Variants in NRG3 observed in about 807,000 individuals in gnomAD.
NRG3 encodes neuregulin 3.
A neutral mutation model predicts 66.9 loss-of-function variants in NRG3; 31 were observed. That is an observed-to-expected ratio of 0.46 (90% CI 0.35 to 0.63). The LOEUF is 0.63. Ranked by LOEUF, NRG3 falls within the 20% of genes least tolerant of loss-of-function variation. The pLI, the probability that NRG3 is intolerant of heterozygous loss-of-function variation, is 0.00. For missense variants in NRG3, 910 were observed against 878.9 expected, an observed-to-expected ratio of 1.04 and a Z score of -0.45; for synonymous variants, 393 against 359.4, an observed-to-expected ratio of 1.09 and a Z score of -1.06.
chr10:82,411,524 G>A (rs143995287), intron 2 of NRG3, among the ~76,000 whole-genome samples: 56 of 152,188 alleles, frequency 3.7e-4, no homozygotes, highest in Middle Eastern at 3.4e-3. Context: ...AATTGCAAAC[G>A]TTCAAATCTA....
At chr10:82,405,602 G>A (rs2136095998) in intron 2 of NRG3, among the ~76,000 whole-genome samples, 1 of 151,944 alleles carries the variant, frequency 6.6e-6, no homozygotes, top group South Asian at 2.1e-4. Flanking sequence ...TGAGTAGCAG[G>A]GACTACAGGT....
chr10:82,071,190 A>C (rs1413132410), intron 1 of NRG3, among the ~76,000 whole-genome samples: 1 of 152,148 alleles, frequency 6.6e-6, no homozygotes, highest in Non-Finnish European at 1.5e-5. Flanking sequence ...GTACCCATGA[A>C]GACACAGGTG....
At chr10:82,136,345 G>A (rs916158185) in intron 1 of NRG3, among the ~76,000 whole-genome samples, 4 of 152,102 alleles carry the variant, frequency 2.6e-5, no homozygotes, top group African/African-American at 9.7e-5. Context: ...TCCCACCTAT[G>A]TTCATTCAAG....
At chr10:81,878,672 C>G (rs1045031416) in intron 1 of NRG3, among the ~76,000 whole-genome samples, 2 of 152,120 alleles carry the variant, frequency 1.3e-5, no homozygotes, top group Non-Finnish European at 2.9e-5. Context: ...TACCTCCATA[C>G]TTTAGTGGGT....
chr10:82,140,306 A>C (rs1269765271), intron 1 of NRG3, among the ~76,000 whole-genome samples: 3 of 152,038 alleles, frequency 2.0e-5, no homozygotes, highest in Admixed American at 1.3e-4. Flanking sequence ...TATTTTTCTC[A>C]GCTCTAGAAA....
intron 1 of NRG3, among the ~76,000 whole-genome samples, chr10:82,134,161 A>G (rs1332065104): frequency 6.6e-6 from 1 of 151,952 alleles, no homozygotes; most frequent in Admixed American, 6.6e-5. Context: ...TGGATATTAG[A>G]CCTTTGTCAC....
At chr10:82,315,626 G>A (rs762039824) in intron 1 of NRG3, among the ~76,000 whole-genome samples, 2 of 151,290 alleles carry the variant, frequency 1.3e-5, no homozygotes, top group South Asian at 2.1e-4. Flanking sequence ...TCTTATGATC[G>A]TATCTCTGTG....
intron 1 of NRG3, among the ~76,000 whole-genome samples, chr10:82,349,317 C>T (rs1045595517): frequency 2.0e-5 from 3 of 151,986 alleles, no homozygotes; most frequent in East Asian, 1.9e-4. Flanking sequence ...TGTTGGAATA[C>T]CCTGCCTTGT....
At chr10:82,839,751 T>A (rs982540897) in intron 3 of NRG3, among the ~76,000 whole-genome samples, 1 of 151,872 alleles carries the variant, frequency 6.6e-6, no homozygotes, top group African/African-American at 2.4e-5. Flanking sequence ...GAATATATAT[T>A]TATATGGAAA....
intron 1 of NRG3, among the ~76,000 whole-genome samples, chr10:82,103,769 T>C (rs1245692785): frequency 1.3e-5 from 2 of 151,744 alleles, no homozygotes; most frequent in African/African-American, 4.8e-5. Context: ...GAGAGATGGG[T>C]TTTTTCCTTT....
At chr10:82,092,967 A>G (rs1001407105) in intron 1 of NRG3, among the ~76,000 whole-genome samples, 1 of 152,182 alleles carries the variant, frequency 6.6e-6, no homozygotes, top group Non-Finnish European at 1.5e-5. Context: ...TGTGCAATGA[A>G]GGCCCAGAAG....
At chr10:82,339,017 G>T (rs1284372846) in intron 1 of NRG3, among the ~76,000 whole-genome samples, 1 of 152,166 alleles carries the variant, frequency 6.6e-6, no homozygotes, top group Non-Finnish European at 1.5e-5. Flanking sequence ...ATGAACAGGG[G>T]TGCACAGGAT....
At chr10:82,648,640 A>C (rs1455080178) in intron 2 of NRG3, among the ~76,000 whole-genome samples, 3 of 152,190 alleles carry the variant, frequency 2.0e-5, no homozygotes, top group Non-Finnish European at 4.4e-5. Flanking sequence ...GCCCATGAGC[A>C]TGGAATGTTC....
At chr10:82,377,462 G>GTGC (rs1564854344) in intron 2 of NRG3, among the ~76,000 whole-genome samples, 1 of 151,880 alleles carries the variant, frequency 6.6e-6, no homozygotes, top group African/African-American at 2.4e-5. Context: ...GTGTGTGCGC[G>GTGC]AGCGCACATG....
chr10:82,342,295 T>C (rs1239868151), intron 1 of NRG3, among the ~76,000 whole-genome samples: 1 of 152,042 alleles, frequency 6.6e-6, no homozygotes, highest in Admixed American at 6.6e-5. Flanking sequence ...AGAAGTGGGA[T>C]TACTGGATCA....
At chr10:82,799,584 G>C (rs75448188) in intron 3 of NRG3, among the ~76,000 whole-genome samples, 4,531 of 151,546 alleles carry the variant, frequency 0.03, 199 homozygotes, top group African/African-American at 0.099. Flanking sequence ...CTAGAAACTG[G>C]AGTATTATGT....
At position 82,426,340 on chromosome 10, in the gene NRG3, T is replaced by C. The variant is rs2089437263; in HGVS notation, c.953+67472T>C. Among the ~76,000 whole-genome samples, 4 of 152,098 alleles carry C rather than the reference T, an allele frequency of 2.6e-5. No homozygotes were observed. The South Asian group carries it at 8.3e-4, about 32-fold the overall frequency. ...CAGTCTCCAGTAGTGAGTAAGTTCATTTTTAATGATTTATGACTGTTGTTG... is the reference window on the plus strand; with the variant it reads ...CAGTCTCCAGTAGTGAGTAAGTTCACTTTTAATGATTTATGACTGTTGTTG... On this transcript the variant is annotated intron_variant, in intron 2 of 8. Transcript: ENST00000372141.
chr10:82,580,454 T>C (rs528452060), intron 2 of NRG3, among the ~76,000 whole-genome samples: 2 of 152,118 alleles, frequency 1.3e-5, no homozygotes, highest in South Asian at 4.1e-4. Context: ...TTGTGTTCTT[T>C]GGGTTTTGAC....
intron 2 of NRG3, among the ~76,000 whole-genome samples, chr10:82,709,365 T>TTTG (rs796754719): frequency 2.3e-4 from 34 of 148,668 alleles, no homozygotes; most frequent in South Asian, 4.2e-4. Context: ...GGTTTTTTTT[T>TTTG]GTTTTTGTTT....
Sources: allele counts gnomAD v4.1 joint callset (sites outside exome capture counted in the v4.1 genomes callset), GRCh38; gene constraint gnomAD v4.1.1; transcripts MANE v1.5; gene names NCBI Gene and HGNC (gene_info 2026-07-23, HGNC 2026-07-21).